Variants in ITGB5 observed in about 807,000 individuals in gnomAD.
The protein encoded by ITGB5 is integrin beta-5.
Under a neutral mutation model 84.8 loss-of-function variants are expected in ITGB5, and 38 were observed. The ratio of observed to expected loss-of-function variants is 0.45; its 90% CI spans 0.35 to 0.59. ITGB5 has a LOEUF of 0.59. ITGB5 is among the 20% of genes least tolerant of loss of function. The pLI, the probability that ITGB5 is intolerant of heterozygous loss-of-function variation, is 0.01. For synonymous variants in ITGB5, 393 were observed against 414.4 expected (o/e 0.95, Z 0.63); for missense variants, 905 against 1,034.5 (o/e 0.87, Z 1.72).
At chr3:124,839,072 C>T (rs1395106888) in intron 5 of ITGB5, among the ~76,000 whole-genome samples, 3 of 152,064 alleles carry the variant, frequency 2.0e-5, no homozygotes, top group South Asian at 4.1e-4. Flanking sequence ...TAGTATGCAC[C>T]TGAACATAAA....
chr3:124,830,776 G>A (rs2064848636), intron 5 of ITGB5, among the ~76,000 whole-genome samples: 1 of 152,140 alleles, frequency 6.6e-6, no homozygotes, highest in Non-Finnish European at 1.5e-5. Context: ...CTGAGGTCAG[G>A]AGTTTGAGAC....
At chr3:124,834,696 G>C (rs1043970612) in intron 5 of ITGB5, among the ~76,000 whole-genome samples, 6 of 151,740 alleles carry the variant, frequency 4.0e-5, no homozygotes, top group African/African-American at 1.5e-4. Context: ...AAGGAAGGAA[G>C]CAAGCAAGCA....
intron 12 of ITGB5, among the ~76,000 whole-genome samples, chr3:124,767,010 C>G (rs1011753046): frequency 1.3e-5 from 2 of 152,234 alleles, no homozygotes; most frequent in Non-Finnish European, 2.9e-5. Flanking sequence ...CAACTCCCTG[C>G]CCCCTTGCTG....
chr3:124,899,529 CCAAA>C (rs1269897608), intron 1 of ITGB5, among the ~76,000 whole-genome samples: 8 of 151,898 alleles, frequency 5.3e-5, no homozygotes, highest in African/African-American at 1.7e-4. Flanking sequence ...TGGAGGGTTC[CCAAA>C]CAAAGAGGAA....
intron 1 of ITGB5, among the ~76,000 whole-genome samples, chr3:124,881,311 C>T (rs1934560205): frequency 6.6e-6 from 1 of 151,998 alleles, no homozygotes; most frequent in Admixed American, 6.6e-5. Context: ...TTTTTCTAAG[C>T]CCATTAAAAT....
At chr3:124,854,173 A>G (rs2065192843) in intron 3 of ITGB5, among the ~76,000 whole-genome samples, 1 of 152,214 alleles carries the variant, frequency 6.6e-6, no homozygotes, top group Admixed American at 6.5e-5. Flanking sequence ...GTCCTTCAAA[A>G]AGTTAAACAT....
At chr3:124,818,607 G>C (rs1365008578) in intron 7 of ITGB5, among the ~76,000 whole-genome samples, 2 of 143,512 alleles carry the variant, frequency 1.4e-5, no homozygotes, top group African/African-American at 5.2e-5. Flanking sequence ...TCTGCCCCCT[G>C]GGTTCAAGAG....
intron 7 of ITGB5, among the ~76,000 whole-genome samples, chr3:124,818,715 A>G (rs1294206012): frequency 6.6e-6 from 1 of 152,168 alleles, no homozygotes; most frequent in Non-Finnish European, 1.5e-5. Flanking sequence ...AAACAAAAAA[A>G]GAAAAACAAT....
chr3:124,873,304 C>T (rs1266804461), intron 2 of ITGB5, 142 bp downstream of exon 2: 2 of 716,404 alleles, frequency 2.8e-6, no homozygotes, highest in East Asian at 5.0e-5. Context: ...CATCACTCTG[C>T]CCTGATGGGG....
intron 10 of ITGB5, among the ~76,000 whole-genome samples, chr3:124,778,983 A>G (rs762980112): frequency 2.4e-4 from 37 of 152,154 alleles, no homozygotes; most frequent in Non-Finnish European, 3.5e-4. Context: ...GCAGGTCCCT[A>G]AACTTCTCTG....
intron 5 of ITGB5, among the ~76,000 whole-genome samples, chr3:124,821,804 G>T (rs537493648): frequency 6.6e-6 from 1 of 152,234 alleles, no homozygotes; most frequent in East Asian, 1.9e-4. Flanking sequence ...TGCTCCTCCT[G>T]GATGCTTCCC....
At chr3:124,888,011 G>A (rs1934907725), upstream of ITGB5, among the ~76,000 whole-genome samples, 1 of 151,408 alleles carries the variant, frequency 6.6e-6, no homozygotes, top group South Asian at 2.1e-4. Context: ...GGACCTCCTG[G>A]GCTCAAAGGT....
chr3:124,813,060 G>A (rs992415787), intron 8 of ITGB5, among the ~76,000 whole-genome samples: 11 of 152,144 alleles, frequency 7.2e-5, no homozygotes, highest in African/African-American at 1.9e-4. Flanking sequence ...GGCCGGATGC[G>A]GAGCAGGTGA....
intron 5 of ITGB5, among the ~76,000 whole-genome samples, chr3:124,830,297 C>T (rs2064842589): frequency 6.6e-6 from 1 of 152,202 alleles, no homozygotes; most frequent in Non-Finnish European, 1.5e-5. Flanking sequence ...TCGGTCCCAC[C>T]TGACTTTCAC....
intron 2 of ITGB5, among the ~76,000 whole-genome samples, chr3:124,860,216 C>T (rs2065277265): frequency 6.6e-6 from 1 of 152,068 alleles, no homozygotes; most frequent in South Asian, 2.1e-4. Flanking sequence ...ATCTTTAAAA[C>T]TTGCAAACCT....
At chr3:124,814,204 A>G (rs1235211799) in intron 8 of ITGB5, among the ~76,000 whole-genome samples, 2 of 152,084 alleles carry the variant, frequency 1.3e-5, no homozygotes, top group African/African-American at 2.4e-5. Flanking sequence ...TACCCCTGAC[A>G]TGGCTTTGAC....
intron 5 of ITGB5, among the ~76,000 whole-genome samples, chr3:124,827,983 C>A (rs796094680): frequency 1.4e-4 from 21 of 151,964 alleles, no homozygotes; most frequent in African/African-American, 4.6e-4. Context: ...CAGCACCCCC[C>A]CAACGCCCCC....
intron 10 of ITGB5, chr3:124,792,927 AC>A (rs1413181616): frequency 4.6e-5 from 7 of 152,012 alleles, no homozygotes; most frequent in African/African-American, 1.7e-4. Flanking sequence ...TTCCAAAATG[AC>A]CAGTATTCCC....
chr3:124,893,238 T>C (rs1160863849), intron 1 of ITGB5, among the ~76,000 whole-genome samples: 2 of 152,016 alleles, frequency 1.3e-5, no homozygotes, highest in Non-Finnish European at 2.9e-5. Context: ...TGAAAACCCA[T>C]CTCTACTAAA....
Sources: gnomAD v4.1 joint callset for allele counts (sites outside exome capture counted in the v4.1 genomes callset) on GRCh38, gnomAD v4.1.1 for gene constraint, MANE v1.5 for transcripts, NCBI Gene and HGNC (gene_info 2026-07-23, HGNC 2026-07-21) for gene names.